Variants in IL1F10 observed in about 807,000 individuals in gnomAD.
IL1F10 encodes the protein interleukin 1 family member 10, also known as interleukin-1 family member 10.
IL1F10 carries 13 observed loss-of-function variants against 13.1 expected under a neutral mutation model. That is an observed-to-expected ratio of 0.99 (90% confidence interval 0.64 to 1.57). The LOEUF is 1.57. IL1F10 is among the 40% of genes most tolerant of loss of function. The pLI is 0.00. For synonymous variants in IL1F10, 78 were observed against 68.2 expected (o/e 1.14, Z -0.71); for missense variants, 191 against 184.1 (o/e 1.04, Z -0.22).
intron 1 of IL1F10, among the ~76,000 whole-genome samples, chr2:113,070,749 G>T (rs1382133615): frequency 6.6e-6 from 1 of 152,180 alleles, no homozygotes; most frequent in Non-Finnish European, 1.5e-5. Context: ...GAAATGTACA[G>T]TCTCAGGCCC....
intron 3 of IL1F10, 154 bp from the exon 4 acceptor site, chr2:113,074,569 C>A: frequency 8.9e-7 from 1 of 1,122,450 alleles, no homozygotes; most frequent in Non-Finnish European, 1.4e-6. Flanking sequence ...GGGGACATGA[C>A]TCCTGCAGAA....
At chr2:113,073,700 G>A (rs1028778513) in intron 2 of IL1F10, among the ~76,000 whole-genome samples, 1 of 152,172 alleles carries the variant, frequency 6.6e-6, no homozygotes, top group African/African-American at 2.4e-5. Context: ...ATTATCGTTA[G>A]CTGTTATTGA....
intron 3 of IL1F10, 88 bp downstream of exon 3, chr2:113,074,502 A>C: frequency 1.7e-6 from 2 of 1,162,240 alleles, no homozygotes; most frequent in Non-Finnish European, 2.6e-6. Context: ...GAGGGTCAGC[A>C]GCTGCCCCCA....
intron 1 of IL1F10, among the ~76,000 whole-genome samples, chr2:113,069,540 G>C (rs1199109492): frequency 6.6e-6 from 1 of 152,234 alleles, no homozygotes; most frequent in Non-Finnish European, 1.5e-5. Flanking sequence ...ATGACAGTGA[G>C]AGAAATGAAA....
intron 2 of IL1F10, among the ~76,000 whole-genome samples, 165 bp from the exon 3 acceptor site, chr2:113,074,164 G>C (rs535573992): frequency 6.6e-6 from 1 of 152,294 alleles, no homozygotes; most frequent in South Asian, 2.1e-4. Context: ...AGGCTGGCCT[G>C]GTCTTTACCT....
chr2:113,073,568 C>T (rs1301137227), intron 2 of IL1F10, among the ~76,000 whole-genome samples: 1 of 152,204 alleles, frequency 6.6e-6, no homozygotes, highest in Non-Finnish European at 1.5e-5. Flanking sequence ...TGTGAGTTGT[C>T]ACATCTGGGT....
intron 1 of IL1F10, 94 bp from the exon 2 acceptor site, chr2:113,072,617 G>T: frequency 1.3e-6 from 1 of 778,828 alleles, no homozygotes; most frequent in Non-Finnish European, 2.1e-6. Flanking sequence ...GGGAACCCGT[G>T]CAGCCCTTGG....
intron 3 of IL1F10, 96 bp downstream of exon 3, chr2:113,074,510 C>CTCTG: frequency 8.8e-7 from 1 of 1,138,940 alleles, no homozygotes; most frequent in Non-Finnish European, 1.3e-6. Context: ...GCAGCTGCCC[C>CTCTG]CAGTGACAGT....
At chr2:113,069,164 A>C (rs149225449) in intron 1 of IL1F10, among the ~76,000 whole-genome samples, 327 of 152,330 alleles carry the variant, frequency 2.1e-3, no homozygotes, top group African/African-American at 7.5e-3. Context: ...CACTGAGAAG[A>C]TAAGAAAGGA....
chr2:113,068,954 G>A (rs1419963185), intron 1 of IL1F10, among the ~76,000 whole-genome samples: 1 of 152,126 alleles, frequency 6.6e-6, no homozygotes, highest in Non-Finnish European at 1.5e-5. Flanking sequence ...CTGAAACTGA[G>A]GGTTGGAGGT....
At chr2:113,069,150 C>T (rs944784880) in intron 1 of IL1F10, among the ~76,000 whole-genome samples, 7 of 152,128 alleles carry the variant, frequency 4.6e-5, no homozygotes, top group African/African-American at 1.2e-4. Context: ...CCTGTGAGTA[C>T]GTCCACTGAG....
At chr2:113,068,425 C>T (rs1163008143) in intron 1 of IL1F10, among the ~76,000 whole-genome samples, 1 of 151,778 alleles carries the variant, frequency 6.6e-6, no homozygotes, top group African/African-American at 2.4e-5. Flanking sequence ...CCAAAGTCTC[C>T]ATTGCTTCCT....
chr2:113,071,023 T>A (rs1685826038), intron 1 of IL1F10, among the ~76,000 whole-genome samples: 1 of 152,194 alleles, frequency 6.6e-6, no homozygotes, highest in Non-Finnish European at 1.5e-5. Flanking sequence ...TAAAAAATGT[T>A]GAAACTTACT....
In IL1F10 at chr2:113,072,697, C is replaced by T; in HGVS notation, c.-28-14C>T. ...AGCCTCCTTTTCTAACTGCCCTTCT[C>T]TCCTCCCCATCAGTGAGGACCAGAC... is the stretch of plus-strand genomic sequence containing the variant. On this transcript the variant is annotated splice_polypyrimidine_tract_variant and intron_variant, in intron 1 of 4. Coordinates refer to ENST00000341010, the MANE Select transcript of IL1F10 (RefSeq NM_173161.3). The T allele has an allele frequency of 6.3e-7, 1 of 1,585,000 alleles. No homozygotes were observed. Among genetic ancestry groups the T allele is most frequent in the Non-Finnish European group, 8.7e-7 (1 of 1,155,576 alleles).
In IL1F10 at chr2:113,074,340, C is replaced by T; in HGVS notation, c.44C>T (p.Ala15Val). Reference sequence around the variant, plus strand: ...TCATACTGTTTCAGAATTAAATATGCAGACCAGAAGGCTCTATACACAAGA... The same window carrying T: ...TCATACTGTTTCAGAATTAAATATGTAGACCAGAAGGCTCTATACACAAGA... ...PMARYYIIKYADQKALYTRDG... is the reference protein window; with the variant it reads ...PMARYYIIKYVDQKALYTRDG... Residue 15 changes from alanine (A) to valine (V), a missense_variant, in exon 3 of 5, where the codon GCA (alanine) becomes GTA (valine). Coordinates refer to ENST00000341010, the MANE Select transcript of IL1F10 (RefSeq NM_173161.3). 1 of 1,610,666 alleles carries T rather than the reference C, an allele frequency of 6.2e-7. No individual in the cohort carries two copies. Among genetic ancestry groups the T allele is most frequent in the Non-Finnish European group, 8.5e-7 (1 of 1,176,926 alleles).
intron 2 of IL1F10, 29 bp from the exon 3 acceptor site, chr2:113,074,299 TG>T: frequency 7.1e-7 from 1 of 1,415,926 alleles, no homozygotes; most frequent in Non-Finnish European, 1.0e-6. Flanking sequence ...ATAAAGGGAA[TG>T]GGCCATCAGC....
intron 1 of IL1F10, among the ~76,000 whole-genome samples, chr2:113,071,758 A>G (rs1685839353): frequency 6.6e-6 from 1 of 152,096 alleles, no homozygotes; most frequent in Admixed American, 6.5e-5. Flanking sequence ...CCTGAGCCCT[A>G]TTACTTTCTT....
At chr2:113,068,389 T>C (rs921065) in intron 1 of IL1F10, among the ~76,000 whole-genome samples, 73,292 of 150,938 alleles carry the variant, frequency 0.49, 18,276 homozygotes, top group South Asian at 0.71. Flanking sequence ...GTCTTCTTTG[T>C]AGGCAAGAGA....
At chr2:113,072,520 T>A (rs1685855619) in intron 1 of IL1F10, 191 bp from the exon 2 acceptor site, 2 of 531,880 alleles carry the variant, frequency 3.8e-6, no homozygotes, top group African/African-American at 3.9e-5. Flanking sequence ...ATAGCCTCAG[T>A]CAGGGAGAGG....
Sources: allele counts gnomAD v4.1 joint callset (sites outside exome capture counted in the v4.1 genomes callset), GRCh38; gene constraint gnomAD v4.1.1; transcripts MANE v1.5; gene names NCBI Gene and HGNC (gene_info 2026-07-23, HGNC 2026-07-21).